DNAJC1: variants seen among roughly 807,000 people sequenced by gnomAD.
The protein encoded by DNAJC1 is DnaJ heat shock protein family (Hsp40) member C1.
DNAJC1 carries 58 observed loss-of-function variants against 76.6 expected under a neutral mutation model. That is an observed-to-expected ratio of 0.76 (90% CI 0.61 to 0.94). The LOEUF (loss-of-function observed/expected upper bound fraction) is 0.94, where lower values mean the gene tolerates loss of function less well. Among genes scored for constraint, DNAJC1 ranks in the 40% least tolerant of loss-of-function variants. The probability of loss-of-function intolerance (pLI) is 0.00; values close to 1 mark genes in which losing one functional copy is unlikely to be tolerated. For synonymous variants in DNAJC1, 258 were observed against 267.9 expected (o/e 0.96, Z 0.36); for missense variants, 689 against 677.3 (o/e 1.02, Z -0.19).
chr10:21,816,327 T>G (rs1377224110), intron 8 of DNAJC1, among the ~76,000 whole-genome samples: 1 of 151,884 alleles, frequency 6.6e-6, no homozygotes, highest in Non-Finnish European at 1.5e-5. Context: ...GCCACTGCGC[T>G]CCAGCCTGGC....
chr10:21,863,747 C>T (rs1481899973), intron 8 of DNAJC1, among the ~76,000 whole-genome samples: 2 of 152,072 alleles, frequency 1.3e-5, no homozygotes, highest in Admixed American at 6.5e-5. Context: ...AAAGACCACA[C>T]AATCATGCTA....
At chr10:21,777,977 C>T (rs1398407342) in intron 9 of DNAJC1, among the ~76,000 whole-genome samples, 2 of 152,198 alleles carry the variant, frequency 1.3e-5, no homozygotes, top group East Asian at 3.8e-4. Context: ...CACCTGAGGT[C>T]AGGAGTTCAA....
At chr10:21,902,195 T>C (rs1836667121) in intron 7 of DNAJC1, among the ~76,000 whole-genome samples, 1 of 152,256 alleles carries the variant, frequency 6.6e-6, no homozygotes, top group South Asian at 2.1e-4. Context: ...ATTCTGAGTT[T>C]CAATAACTGA....
chr10:21,918,966 C>T, intron 5 of DNAJC1, 94 bp from the exon 6 acceptor site: 2 of 844,162 alleles, frequency 2.4e-6, no homozygotes, highest in Non-Finnish European at 3.8e-6. Context: ...ATCATGAATT[C>T]TTTTGTGAAT....
At chr10:21,875,914 G>C (rs371452289) in intron 8 of DNAJC1, among the ~76,000 whole-genome samples, 15 of 152,022 alleles carry the variant, frequency 9.9e-5, no homozygotes, top group African/African-American at 3.4e-4. Flanking sequence ...GACAGAGTGA[G>C]ACTCTGTCTC....
At chr10:21,871,842 A>T (rs1438065999) in intron 8 of DNAJC1, among the ~76,000 whole-genome samples, 2 of 151,654 alleles carry the variant, frequency 1.3e-5, no homozygotes, top group Non-Finnish European at 2.9e-5. Context: ...ACCATGTTGG[A>T]CAGGCTGGTC....
chr10:21,852,349 G>A (rs550672205), intron 8 of DNAJC1, among the ~76,000 whole-genome samples: 42 of 152,252 alleles, frequency 2.8e-4, no homozygotes, highest in African/African-American at 1.0e-3. Context: ...TTGCTCAATG[G>A]GTACAGTTTC....
At chr10:21,948,591 A>G (rs553399699) in intron 1 of DNAJC1, among the ~76,000 whole-genome samples, 67 of 152,352 alleles carry the variant, frequency 4.4e-4, no homozygotes, top group African/African-American at 1.6e-3. Flanking sequence ...ATTTTGAGAC[A>G]AAAGAGAGAT....
chr10:21,832,218 T>C (rs903745297), intron 8 of DNAJC1, among the ~76,000 whole-genome samples: 10 of 152,222 alleles, frequency 6.6e-5, no homozygotes, highest in African/African-American at 2.2e-4. Context: ...TCATGTCCTA[T>C]TTTAAGTCAC....
At chr10:21,940,762 A>G (rs921585576) in intron 1 of DNAJC1, among the ~76,000 whole-genome samples, 2 of 152,176 alleles carry the variant, frequency 1.3e-5, no homozygotes, top group Non-Finnish European at 2.9e-5. Flanking sequence ...ATATCTAATT[A>G]CTGGGGGAAT....
intron 9 of DNAJC1, among the ~76,000 whole-genome samples, chr10:21,769,720 C>G (rs983984080): frequency 6.6e-6 from 1 of 152,016 alleles, no homozygotes; most frequent in East Asian, 1.9e-4. Flanking sequence ...AGTTTCTGTT[C>G]TTGTTGTCCA....
intron 1 of DNAJC1, among the ~76,000 whole-genome samples, chr10:21,935,263 A>C (rs1200742606): frequency 6.6e-6 from 1 of 152,150 alleles, no homozygotes; most frequent in African/African-American, 2.4e-5. Flanking sequence ...AATGTCTCAC[A>C]TAATTGAGAA....
chr10:21,914,479 T>C (rs550903618), intron 6 of DNAJC1, among the ~76,000 whole-genome samples: 61 of 152,336 alleles, frequency 4.0e-4, no homozygotes, highest in African/African-American at 1.4e-3. Flanking sequence ...TTCCTAACAA[T>C]GTACACAGAT....
intron 9 of DNAJC1, among the ~76,000 whole-genome samples, chr10:21,766,591 C>A (rs1350826608): frequency 6.6e-6 from 1 of 152,116 alleles, no homozygotes; most frequent in South Asian, 2.1e-4. Context: ...TTCCGTTATA[C>A]GAGGCTGCCT....
At chr10:21,779,864 G>C (rs1016539602) in intron 9 of DNAJC1, among the ~76,000 whole-genome samples, 4 of 152,126 alleles carry the variant, frequency 2.6e-5, no homozygotes, top group African/African-American at 9.7e-5. Flanking sequence ...TTAGACGAAT[G>C]GCTAACTAGA....
chr10:21,801,642 T>TA (rs1246846637), intron 9 of DNAJC1, among the ~76,000 whole-genome samples: 5 of 152,230 alleles, frequency 3.3e-5, no homozygotes, highest in Non-Finnish European at 7.4e-5. Flanking sequence ...ACTGGACATA[T>TA]ACCCAGAGGA....
intron 10 of DNAJC1, among the ~76,000 whole-genome samples, chr10:21,761,493 A>T (rs2131616179): frequency 6.7e-6 from 1 of 148,186 alleles, no homozygotes; most frequent in African/African-American, 2.5e-5. Flanking sequence ...TGGGAGGCAG[A>T]GGTTGCAGTG....
chr10:21,787,389 A>G (rs1412223089), intron 9 of DNAJC1, among the ~76,000 whole-genome samples: 2 of 151,826 alleles, frequency 1.3e-5, no homozygotes, highest in African/African-American at 4.8e-5. Flanking sequence ...AAAAAAGAAG[A>G]AAGAAGAAAA....
chr10:21,997,865 A>G (rs1838444727), intron 1 of DNAJC1, among the ~76,000 whole-genome samples: 1 of 152,254 alleles, frequency 6.6e-6, no homozygotes, highest in African/African-American at 2.4e-5. Context: ...CACGAGAGAA[A>G]GAGAATGAAG....
Sources: gnomAD v4.1 joint callset for allele counts (sites outside exome capture counted in the v4.1 genomes callset) on GRCh38, gnomAD v4.1.1 for gene constraint, MANE v1.5 for transcripts, NCBI Gene and HGNC (gene_info 2026-07-23, HGNC 2026-07-21) for gene names.